The following RAB27B variants were observed in gnomAD, a reference collection of about 807,000 sequenced individuals.
RAB27B encodes RAB27B, member RAS oncogene family, also known as ras-related protein Rab-27B.
Under a neutral mutation model 24.6 loss-of-function variants are expected in RAB27B, and 15 were observed. The ratio of observed to expected loss-of-function variants is 0.61; its 90% CI spans 0.41 to 0.94. The LOEUF is 0.94. Among genes scored for constraint, RAB27B ranks in the 40% least tolerant of loss-of-function variants. RAB27B has a pLI of 0.00. For missense variants in RAB27B, 261 were observed against 266.8 expected (o/e 0.98, Z 0.15); for synonymous variants, 105 against 92.5 (o/e 1.14, Z -0.78).
In RAB27B at chr18:54,754,613, C is replaced by T. The variant is rs143582143; in HGVS notation, c.-20+36472C>T. Among the ~76,000 whole-genome samples, 262 of 152,232 alleles carry T rather than the reference C, an allele frequency of 1.7e-3. 1 individual carries two copies. The highest frequency in any genetic ancestry group is 6.0e-3 in the African/African-American group (251 of 41,568). On this transcript the variant is annotated intron_variant, in intron 2 of 4. Transcript: ENST00000586570. ...CTTTGTTTCAAGTTTTTCTTATGTA[C>T]GGATCTTGTCTACGTAAAGGTAAAC...
intron 2 of RAB27B, among the ~76,000 whole-genome samples, chr18:54,767,431 T>C (rs766053741): frequency 1.3e-5 from 2 of 152,174 alleles, no homozygotes; most frequent in African/African-American, 2.4e-5. Context: ...TTAATTGCCA[T>C]AGTTATTCAA....
intron 1 of RAB27B, among the ~76,000 whole-genome samples, chr18:54,858,889 G>C (rs1370381892): frequency 6.6e-6 from 1 of 152,198 alleles, no homozygotes; most frequent in Non-Finnish European, 1.5e-5. Flanking sequence ...TAAACTGGAA[G>C]TGTCAGATAC....
At chr18:54,740,090 A>G (rs150213415) in intron 2 of RAB27B, among the ~76,000 whole-genome samples, 168 of 152,242 alleles carry the variant, frequency 1.1e-3, no homozygotes, top group Non-Finnish European at 1.6e-3. Flanking sequence ...CCACTTACCT[A>G]TTATTGTCTT....
At chr18:54,874,031 A>G (rs1912590036) in intron 1 of RAB27B, among the ~76,000 whole-genome samples, 2 of 152,184 alleles carry the variant, frequency 1.3e-5, no homozygotes, top group Non-Finnish European at 2.9e-5. Flanking sequence ...TTCACTCTGG[A>G]TTAGACTTTG....
chr18:54,854,321 G>A (rs1378402513), intron 1 of RAB27B, among the ~76,000 whole-genome samples: 8 of 152,130 alleles, frequency 5.3e-5, no homozygotes, highest in South Asian at 4.1e-4. Flanking sequence ...GTGTCTCTCC[G>A]TGTTCCTATT....
intron 2 of RAB27B, among the ~76,000 whole-genome samples, chr18:54,785,151 G>C (rs1343426534): frequency 6.6e-6 from 1 of 152,096 alleles, no homozygotes; most frequent in Admixed American, 6.5e-5. Context: ...GCCCAGGCTG[G>C]AGGGCAGTGG....
intron 2 of RAB27B, among the ~76,000 whole-genome samples, chr18:54,739,456 C>CAAAAAAA (rs34119736): frequency 1.1e-5 from 1 of 94,564 alleles, no homozygotes; most frequent in African/African-American, 3.6e-5. Flanking sequence ...AACTCCATCT[C>CAAAAAAA]AAAAAAAAAA....
At chr18:54,888,216 C>G in intron 5 of RAB27B, 98 bp downstream of exon 5, 1 of 1,348,190 alleles carries the variant, frequency 7.4e-7, no homozygotes. Flanking sequence ...TCCCCTTAAC[C>G]AAGAACAGCA....
At chr18:54,803,467 C>G (rs1909673725) in intron 2 of RAB27B, among the ~76,000 whole-genome samples, 1 of 152,140 alleles carries the variant, frequency 6.6e-6, no homozygotes, top group Non-Finnish European at 1.5e-5. Context: ...GTGTTTTCCC[C>G]TAAACATGAT....
In RAB27B at chr18:54,741,504, C is replaced by CT. The variant is rs1025695507; in HGVS notation, c.-20+23370dup. ...AAGAACTCTAAGCTCTTTTTTTCTT[C>CT]TTTTTTTGAGACAGGGCCTCGCTGT... On this transcript the variant is annotated intron_variant, in intron 2 of 4. Coordinates refer to the RAB27B transcript ENST00000586570. Among the ~76,000 whole-genome samples the CT allele has an allele frequency of 5.9e-5, 9 of 151,834 alleles. No individual in the cohort carries two copies. The South Asian group carries it at 6.3e-4, about 11-fold the overall frequency.
intron 2 of RAB27B, among the ~76,000 whole-genome samples, chr18:54,801,546 C>T (rs1020497308): frequency 1.3e-5 from 2 of 152,144 alleles, no homozygotes; most frequent in Non-Finnish European, 2.9e-5. Flanking sequence ...CCATCTAGGC[C>T]TGTTGACCAT....
intron 2 of RAB27B, among the ~76,000 whole-genome samples, chr18:54,796,146 C>A (rs1452642306): frequency 1.3e-5 from 2 of 152,100 alleles, no homozygotes; most frequent in African/African-American, 4.8e-5. Flanking sequence ...CCTTTGGCTG[C>A]CCCACTCCTC....
At chr18:54,840,326 C>T (rs1044199482) in intron 1 of RAB27B, among the ~76,000 whole-genome samples, 3 of 152,150 alleles carry the variant, frequency 2.0e-5, no homozygotes, top group Non-Finnish European at 2.9e-5. Flanking sequence ...ATTTGTTGGC[C>T]AGTCTTTCTG....
chr18:54,838,198 C>A (rs1910969807), intron 1 of RAB27B, among the ~76,000 whole-genome samples: 1 of 152,064 alleles, frequency 6.6e-6, no homozygotes, highest in Admixed American at 6.6e-5. Flanking sequence ...CAAAATGTAT[C>A]TTGATGTTCT....
At chr18:54,785,436 GTT>G (rs59750951) in intron 2 of RAB27B, among the ~76,000 whole-genome samples, 6 of 101,694 alleles carry the variant, frequency 5.9e-5, no homozygotes, top group African/African-American at 1.5e-4. Context: ...CCTTCCTCAG[GTT>G]TTTTTTTTTT....
chr18:54,760,800 G>GGGACAT (rs1432589687), intron 2 of RAB27B, among the ~76,000 whole-genome samples: 1 of 152,146 alleles, frequency 6.6e-6, no homozygotes, highest in African/African-American at 2.4e-5. Flanking sequence ...CATGTTTGGT[G>GGGACAT]GGACATGGAG....
rs1908973635 is a variant in RAB27B, at chr18:54,783,276, C to T, written c.-20+65135C>T. The stretch of plus-strand genomic sequence containing the variant: ...GCCATCATGCTTGGCCTCATGATGA[C>T]TTTTTAAATGCTTTTGGCAACACAC... On this transcript the variant is annotated intron_variant, in intron 2 of 4. Coordinates refer to the RAB27B transcript ENST00000586570. Among the ~76,000 whole-genome samples, 3 of 151,974 alleles carry T rather than the reference C, an allele frequency of 2.0e-5. No individual in the cohort carries two copies. The South Asian group carries it at 6.2e-4, about 32-fold the overall frequency.
At chr18:54,834,727 A>G (rs1910826129) in intron 1 of RAB27B, among the ~76,000 whole-genome samples, 1 of 149,968 alleles carries the variant, frequency 6.7e-6, no homozygotes, top group African/African-American at 2.5e-5. Flanking sequence ...AAGAAGAGAT[A>G]GAAACATATG....
In RAB27B at chr18:54,894,322, C is replaced by A. The variant is rs532527064; in HGVS notation, c.*4909C>A. On this transcript the variant is annotated 3_prime_UTR_variant, in exon 6 of 6. Coordinates refer to ENST00000262094, the MANE Select transcript of RAB27B (RefSeq NM_004163.4). ...AGTGGATTCCCTGGTTCCTTTCCAG[C>A]TGGTTGTGGAAGTAATGGCTAACAT... is the stretch of plus-strand genomic sequence containing the variant. The A allele has an allele frequency of 6.6e-6, 1 of 151,930 alleles. No individual in the cohort carries two copies. Among genetic ancestry groups the A allele is most frequent in the Non-Finnish European group, 1.5e-5 (1 of 67,888 alleles). 9.4% of individuals were successfully genotyped at this position (151,930 alleles called of 1,614,324 possible). A position where few individuals can be genotyped will look rare whatever the true frequency, so the allele number is the denominator to read the frequency against.
Sources: allele counts gnomAD v4.1 joint callset (sites outside exome capture counted in the v4.1 genomes callset), GRCh38; gene constraint gnomAD v4.1.1; transcripts MANE v1.5; gene names NCBI Gene and HGNC (gene_info 2026-07-23, HGNC 2026-07-21).